The following DAB1 variants were observed in gnomAD, a reference collection of about 807,000 sequenced individuals.
DAB1 encodes DAB adaptor protein 1, also known as disabled homolog 1.
A neutral mutation model predicts 64.6 loss-of-function variants in DAB1; 15 were observed. The observed-to-expected ratio is 0.23, with a 90% CI of 0.16 to 0.36. The LOEUF (loss-of-function observed/expected upper bound fraction) is 0.36. Among genes scored for constraint, DAB1 ranks in the 10% least tolerant of loss-of-function variants. DAB1 has a pLI of 1.00. For missense variants in DAB1, 596 were observed against 706.7 expected (o/e 0.84, Z 1.78); for synonymous variants, 235 against 251.9 (o/e 0.93, Z 0.64).
intron 4 of DAB1, among the ~76,000 whole-genome samples, chr1:58,324,350 A>G (rs1212367869): frequency 6.6e-6 from 1 of 152,220 alleles, no homozygotes; most frequent in Non-Finnish European, 1.5e-5. Flanking sequence ...CATAAAAATT[A>G]TTTGTATGAA....
At chr1:58,297,388 C>T (rs1346352191) in intron 4 of DAB1, among the ~76,000 whole-genome samples, 1 of 152,144 alleles carries the variant, frequency 6.6e-6, no homozygotes. Context: ...CCCCTGCCCT[C>T]GAAGAGCCCA....
At chr1:57,071,151 G>T (rs904997824) in intron 6 of DAB1, 90 bp from the exon 7 acceptor site, 2 of 1,277,700 alleles carry the variant, frequency 1.6e-6, no homozygotes, top group African/African-American at 1.5e-5. Context: ...GGACAGTAAA[G>T]AAACCAGCTC....
At chr1:57,810,963 C>T (rs114090542) in intron 6 of DAB1, among the ~76,000 whole-genome samples, 3,167 of 152,300 alleles carry the variant, frequency 0.021, 56 homozygotes, top group Non-Finnish European at 0.031. Flanking sequence ...TGGCTTTTGC[C>T]TCTTCCGGCT....
Position 57,572,870 on chromosome 1 carries a change from C to T in DAB1, n.625+76722G>A, listed in dbSNP as rs959992053. ...AAATGGCAAAAGCAGGAGCAAGAGACAGAGTGAAGGGAAAGGTGCCACACA... is the reference window on the plus strand; with the variant it reads ...AAATGGCAAAAGCAGGAGCAAGAGATAGAGTGAAGGGAAAGGTGCCACACA... On this transcript the variant is annotated intron_variant and non_coding_transcript_variant, in intron 7 of 20. Transcript: ENST00000485760. 3.3e-5 allele frequency among the ~76,000 whole-genome samples: 5 copies of T among 152,032 alleles called. 1 individual carries two copies. The highest frequency in any genetic ancestry group is 1.2e-4 in the African/African-American group (5 of 41,372).
At chr1:57,342,880 G>A (rs1677722218) in intron 1 of DAB1, among the ~76,000 whole-genome samples, 2 of 152,178 alleles carry the variant, frequency 1.3e-5, no homozygotes, top group South Asian at 2.1e-4. Flanking sequence ...GCAGACCTTT[G>A]CGGTGAGTAT....
At chr1:58,045,802 T>A (rs4087335) in intron 5 of DAB1, among the ~76,000 whole-genome samples, 51,705 of 119,280 alleles carry the variant, frequency 0.43, 9,689 homozygotes, top group East Asian at 0.56. Flanking sequence ...TCCCCTTTGT[T>A]CCTTCTCTTT....
intron 3 of DAB1, among the ~76,000 whole-genome samples, chr1:58,497,563 T>C (rs1362485735): frequency 6.6e-6 from 1 of 152,092 alleles, no homozygotes; most frequent in Admixed American, 6.6e-5. Context: ...AAGAGTTATT[T>C]TCTACTAATT....
intron 7 of DAB1, among the ~76,000 whole-genome samples, chr1:57,467,138 T>C (rs1008455823): frequency 6.6e-6 from 1 of 152,196 alleles, no homozygotes; most frequent in Non-Finnish European, 1.5e-5. Context: ...GAGGAGCCTT[T>C]AAAGATACTG....
intron 2 of DAB1, among the ~76,000 whole-genome samples, chr1:57,282,594 G>A (rs1672004232): frequency 1.3e-5 from 2 of 152,080 alleles, no homozygotes; most frequent in Non-Finnish European, 2.9e-5. Flanking sequence ...ATCGAGTGAA[G>A]TGTCCTGTAA....
intron 5 of DAB1, among the ~76,000 whole-genome samples, chr1:58,101,499 G>A (rs892097109): frequency 7.9e-5 from 12 of 152,034 alleles, no homozygotes; most frequent in Middle Eastern, 3.2e-3. Flanking sequence ...ACATTAAAAC[G>A]GGGCTACCTG....
intron 1 of DAB1, among the ~76,000 whole-genome samples, chr1:57,834,244 G>T (rs1406424147): frequency 6.6e-6 from 1 of 151,988 alleles, no homozygotes; most frequent in East Asian, 1.9e-4. Context: ...AGTACAAAAT[G>T]AAGCTTTAAG....
chr1:58,002,708 A>C (rs554821304), intron 5 of DAB1, among the ~76,000 whole-genome samples: 1 of 152,296 alleles, frequency 6.6e-6, no homozygotes, highest in South Asian at 2.1e-4. Context: ...GAGAGAGAAG[A>C]ATCCACAACA....
intron 2 of DAB1, among the ~76,000 whole-genome samples, chr1:57,222,497 A>G (rs1396072710): frequency 1.3e-5 from 2 of 152,184 alleles, no homozygotes; most frequent in Admixed American, 1.3e-4. Context: ...AGCTTTGAGT[A>G]ACACAGTTCA....
At chr1:58,219,796 C>T (rs1406952599) in intron 4 of DAB1, among the ~76,000 whole-genome samples, 1 of 152,244 alleles carries the variant, frequency 6.6e-6, no homozygotes, top group Non-Finnish European at 1.5e-5. Flanking sequence ...CCATTGCACA[C>T]ATCACAATTG....
At chr1:58,413,716 T>C (rs1644691119) in intron 3 of DAB1, among the ~76,000 whole-genome samples, 3 of 152,212 alleles carry the variant, frequency 2.0e-5, no homozygotes, top group Non-Finnish European at 4.4e-5. Context: ...GTAATTACAC[T>C]GATGGTATTT....
intron 7 of DAB1, among the ~76,000 whole-genome samples, chr1:57,573,057 A>C (rs952501388): frequency 6.6e-6 from 1 of 152,146 alleles, no homozygotes; most frequent in Admixed American, 6.5e-5. Flanking sequence ...TATCCAAACT[A>C]TATCAATGAT....
At chr1:58,337,779 G>C (rs1663155902) in intron 4 of DAB1, among the ~76,000 whole-genome samples, 1 of 152,018 alleles carries the variant, frequency 6.6e-6, no homozygotes, top group African/African-American at 2.4e-5. Flanking sequence ...TGGAGAAAGG[G>C]GCATATTAAC....
At chr1:57,605,643 C>T (rs1645627496) in intron 7 of DAB1, among the ~76,000 whole-genome samples, 1 of 152,102 alleles carries the variant, frequency 6.6e-6, no homozygotes, top group Non-Finnish European at 1.5e-5. Context: ...TTGCCTAGAT[C>T]CAACAGGTTT....
intron 1 of DAB1, chr1:58,541,614 C>CAAAAAAAAAAAAAAAAAAAAAAAAAAA (rs60360589): frequency 6.1e-5 from 4 of 65,634 alleles, no homozygotes; most frequent in Non-Finnish European, 8.0e-5. Context: ...GAGAACCTGT[C>CAAAAAAAAAAAAAAAAAAAAAAAAAAA]AAAAAAAAAA....
Sources: allele counts gnomAD v4.1 joint callset (sites outside exome capture counted in the v4.1 genomes callset), GRCh38; gene constraint gnomAD v4.1.1; transcripts MANE v1.5; gene names NCBI Gene and HGNC (gene_info 2026-07-23, HGNC 2026-07-21).